The following KLHL2 variants were observed in gnomAD, a reference collection of about 807,000 sequenced individuals.
KLHL2 encodes kelch like family member 2.
A neutral mutation model predicts 75.8 loss-of-function variants in KLHL2; 15 were observed. The ratio of observed to expected loss-of-function variants is 0.20; its 90% CI spans 0.13 to 0.30. The LOEUF (loss-of-function observed/expected upper bound fraction) is 0.30, where lower values mean the gene tolerates loss of function less well. Among genes scored for constraint, KLHL2 ranks in the 10% least tolerant of loss-of-function variants. The pLI, the probability that KLHL2 is intolerant of heterozygous loss-of-function variation, is 1.00. For missense variants in KLHL2, 381 were observed against 741.0 expected (o/e 0.51, Z 5.64); for synonymous variants, 214 against 251.9 (o/e 0.85, Z 1.42).
chr4:165,264,111 C>CA (rs1469296105), intron 5 of KLHL2, among the ~76,000 whole-genome samples: 3 of 151,834 alleles, frequency 2.0e-5, no homozygotes, highest in Admixed American at 2.0e-4. Context: ...ACATAGTTCA[C>CA]AAATGTAATC....
chr4:165,293,566 G>A (rs751123150), intron 5 of KLHL2, among the ~76,000 whole-genome samples: 13 of 149,686 alleles, frequency 8.7e-5, no homozygotes, highest in Admixed American at 2.0e-4. Context: ...GCAGTGCTGC[G>A]ATCTCAGCTC....
intron 14 of KLHL2, 66 bp downstream of exon 14, chr4:165,318,035 C>T (rs76952385): frequency 0.02 from 29,548 of 1,441,524 alleles, 485 homozygotes; most frequent in East Asian, 0.095. Flanking sequence ...GTTATATTAA[C>T]GAAGTTTTTC....
intron 5 of KLHL2, among the ~76,000 whole-genome samples, chr4:165,267,054 T>C (rs1019259860): frequency 6.6e-6 from 1 of 152,184 alleles, no homozygotes; most frequent in Non-Finnish European, 1.5e-5. Flanking sequence ...TAAGTTGTAT[T>C]CCTAGGTATT....
At chr4:165,245,228 A>T (rs908571809) in intron 4 of KLHL2, among the ~76,000 whole-genome samples, 2 of 152,156 alleles carry the variant, frequency 1.3e-5, no homozygotes, top group African/African-American at 2.4e-5. Flanking sequence ...CAACAAAAAA[A>T]ACTGAGGGTA....
At chr4:165,227,034 C>T (rs1222613503) in intron 2 of KLHL2, among the ~76,000 whole-genome samples, 1 of 152,148 alleles carries the variant, frequency 6.6e-6, no homozygotes, top group East Asian at 1.9e-4. Flanking sequence ...GACTTTTCCA[C>T]CCTAGTTATA....
chr4:165,284,150 A>AT (rs1743907131), intron 5 of KLHL2, among the ~76,000 whole-genome samples: 1 of 152,076 alleles, frequency 6.6e-6, no homozygotes, highest in African/African-American at 2.4e-5. Context: ...CCCTGGAGAC[A>AT]TTTTCCCCAT....
At chr4:165,248,385 C>T (rs1450615273) in intron 4 of KLHL2, among the ~76,000 whole-genome samples, 1 of 152,140 alleles carries the variant, frequency 6.6e-6, no homozygotes, top group Non-Finnish European at 1.5e-5. Flanking sequence ...TTTAGAACCA[C>T]CTGTTCCATC....
intron 4 of KLHL2, among the ~76,000 whole-genome samples, chr4:165,239,113 T>G (rs1739596598): frequency 6.6e-6 from 1 of 152,194 alleles, no homozygotes; most frequent in South Asian, 2.1e-4. Context: ...TACAAATCCT[T>G]TAGTTCTCTG....
At chr4:165,254,441 T>G (rs1387294279) in intron 4 of KLHL2, among the ~76,000 whole-genome samples, 3 of 152,244 alleles carry the variant, frequency 2.0e-5, no homozygotes, top group Non-Finnish European at 4.4e-5. Flanking sequence ...TTCCATTTTT[T>G]GGACTTTTTT....
At chr4:165,321,300 C>T (rs571179042) in intron 14 of KLHL2, 18 of 455,802 alleles carry the variant, frequency 3.9e-5, no homozygotes, top group South Asian at 2.5e-4. Flanking sequence ...TCCTCTTTCT[C>T]CTCCTCCTCA....
intron 8 of KLHL2, among the ~76,000 whole-genome samples, chr4:165,300,721 A>G (rs1025308153): frequency 5.3e-5 from 8 of 152,218 alleles, no homozygotes; most frequent in Non-Finnish European, 1.2e-4. Flanking sequence ...AATGACTCAT[A>G]ATATAAAGAC....
chr4:165,317,687 T>C, intron 13 of KLHL2, 139 bp from the exon 14 acceptor site: 1 of 673,044 alleles, frequency 1.5e-6, no homozygotes, highest in Non-Finnish European at 2.5e-6. Flanking sequence ...AACGAATTCT[T>C]TTCATGCTCA....
chr4:165,250,187 C>A (rs1740591759), intron 4 of KLHL2, among the ~76,000 whole-genome samples: 1 of 152,114 alleles, frequency 6.6e-6, no homozygotes, highest in Admixed American at 6.5e-5. Flanking sequence ...ATGTTTTGAG[C>A]TTTGTTACAG....
intron 1 of KLHL2, among the ~76,000 whole-genome samples, chr4:165,218,445 T>A (rs545230831): frequency 6.6e-6 from 1 of 152,302 alleles, no homozygotes; most frequent in African/African-American, 2.4e-5. Context: ...TAGTCTTTTG[T>A]TCAAATCTCA....
At chr4:165,236,951 A>C (rs1182289485) in intron 3 of KLHL2, among the ~76,000 whole-genome samples, 1 of 150,688 alleles carries the variant, frequency 6.6e-6, no homozygotes, top group Non-Finnish European at 1.5e-5. Flanking sequence ...TCAGTCATAC[A>C]TGTAAATTAA....
At chr4:165,253,952 GGATCCA>G (rs1166499162) in intron 4 of KLHL2, among the ~76,000 whole-genome samples, 1 of 152,162 alleles carries the variant, frequency 6.6e-6, no homozygotes, top group African/African-American at 2.4e-5. Context: ...AGACGGGATG[GGATCCA>G]GATCCAGATC....
chr4:165,290,238 G>A (rs1744406708), intron 5 of KLHL2, among the ~76,000 whole-genome samples: 1 of 151,924 alleles, frequency 6.6e-6, no homozygotes, highest in Non-Finnish European at 1.5e-5. Context: ...GACCTCCTGG[G>A]CACAGGTGAT....
At chr4:165,215,863 G>T (rs1298915385) in intron 1 of KLHL2, among the ~76,000 whole-genome samples, 1 of 151,920 alleles carries the variant, frequency 6.6e-6, no homozygotes, top group Non-Finnish European at 1.5e-5. Flanking sequence ...ATCACGCATT[G>T]CTGGCTTTCT....
intron 10 of KLHL2, 64 bp downstream of exon 10, chr4:165,310,814 A>C (rs1172049572): frequency 4.5e-6 from 6 of 1,336,052 alleles, no homozygotes; most frequent in Non-Finnish European, 6.4e-6. Context: ...TGTTTATGGA[A>C]TAAATTGTGG....
Sources: allele counts gnomAD v4.1 joint callset (sites outside exome capture counted in the v4.1 genomes callset), GRCh38; gene constraint gnomAD v4.1.1; transcripts MANE v1.5; gene names NCBI Gene and HGNC (gene_info 2026-07-23, HGNC 2026-07-21).